Variants in SATB2 observed in about 807,000 individuals in gnomAD.
SATB2 encodes SATB homeobox 2.
Under a neutral mutation model 73.4 loss-of-function variants are expected in SATB2, and 1 was observed. The ratio of observed to expected loss-of-function variants is 0.01; its 90% CI spans 0.00 to 0.06. The LOEUF is 0.06. SATB2 is among the 10% of genes least tolerant of loss of function. The probability of loss-of-function intolerance (pLI) is 1.00; values close to 1 mark genes in which losing one functional copy is unlikely to be tolerated. For synonymous variants in SATB2, 397 were observed against 367.0 expected, an observed-to-expected ratio of 1.08 and a Z score of -0.93; for missense variants, 459 against 945.8, an observed-to-expected ratio of 0.49 and a Z score of 6.75.
rs1410113037 is a variant in SATB2 at position 199,349,075 on chromosome 2, T to C, written c.799A>G (p.Thr267Ala). 5.6e-6 allele frequency: 9 copies of C among 1,613,908 alleles called. No homozygotes were observed. The highest frequency in any genetic ancestry group is 7.6e-6 in the Non-Finnish European group (9 of 1,179,956). Reference protein sequence around the residue: ...NMNQLASLGKTNEQSPHSQIH... With the variant: ...NMNQLASLGKANEQSPHSQIH... Reference sequence around the variant, plus strand: ...TGGCTGTGAGGAGACTGTTCGTTGGTTTTCCCCAGGGATGCCAGCTGGTTC... The same window carrying C: ...TGGCTGTGAGGAGACTGTTCGTTGGCTTTCCCCAGGGATGCCAGCTGGTTC... The change falls in exon 7 of 11, where the codon ACC becomes GCC. Residue 267 changes from threonine to alanine, a missense_variant. Around this residue, in one of 13 missense-constraint regions of SATB2, gnomAD observed 77 missense variants for 90.4 expected, o/e 0.85. Coordinates refer to ENST00000417098, the MANE Select transcript of SATB2 (RefSeq NM_001172509.2).
chr2:199,459,606 C>T (rs1184603497), upstream of SATB2: 2 of 152,846 alleles, frequency 1.3e-5, no homozygotes, highest in Admixed American at 6.5e-5. This position sits in a 1 kb window ranked among gnomAD's most constrained non-coding sequence, Gnocchi z 4.2. Flanking sequence ...ACCTCATGTC[C>T]CTCCCGCACA....
exon 1 of SATB2, chr2:199,471,154 A>C (rs149482534): frequency 2.1e-3 from 327 of 152,492 alleles, no homozygotes; most frequent in Non-Finnish European, 3.5e-3. Flanking sequence ...GGTTGTGCGG[A>C]CTACCCAAGG....
In SATB2 at chr2:199,270,517, A is replaced by C. The variant is rs528005778; in HGVS notation, c.*1694T>G. 4.6e-5 allele frequency: 7 copies of C among 152,304 alleles called. No individual in the cohort carries two copies. Among genetic ancestry groups the C allele is most frequent in the African/African-American group, 1.7e-4 (7 of 41,504 alleles). 9.4% of individuals were successfully genotyped at this position (152,304 alleles called of 1,614,324 possible). A position where few individuals can be genotyped will look rare whatever the true frequency, so the allele number is the denominator to read the frequency against. On this transcript the variant is annotated 3_prime_UTR_variant, in exon 11 of 11. Transcript: ENST00000417098. The stretch of plus-strand genomic sequence containing the variant: ...TTTTGTGAAAGCACAACTCAAAAAA[A>C]AAAAAAAAATCCAACCATGTGGGAC...
intron 7 of SATB2, among the ~76,000 whole-genome samples, chr2:199,342,276 T>G (rs1688528845): frequency 6.6e-6 from 1 of 152,058 alleles, no homozygotes; most frequent in African/African-American, 2.4e-5. Context: ...TTAAAGTGCT[T>G]AGAAATGTAT....
intron 9 of SATB2, among the ~76,000 whole-genome samples, chr2:199,323,020 T>C (rs1687932008): frequency 6.6e-6 from 1 of 152,140 alleles, no homozygotes; most frequent in South Asian, 2.1e-4. Flanking sequence ...GCCCTAGGTA[T>C]ACATAAGTGA....
chr2:199,370,853 A>G (rs1384240579), intron 5 of SATB2, among the ~76,000 whole-genome samples: 1 of 151,082 alleles, frequency 6.6e-6, no homozygotes, highest in African/African-American at 2.4e-5. Flanking sequence ...TGACTCAATT[A>G]GATTTGTTTT....
At position 199,429,361 on chromosome 2, in the gene SATB2, C is replaced by G. The variant is rs546463230; in HGVS notation, c.346+3977G>C. 2.3e-4 allele frequency among the ~76,000 whole-genome samples: 35 copies of G among 152,314 alleles called. No homozygotes were observed. In the South Asian group the frequency reaches 6.0e-3, roughly 26 times the overall value. ...ATTCTAATACATTGCCTTCATCCTT[C>G]TTCCATGCATATATGTGGAATTTTA... is the stretch of plus-strand genomic sequence containing the variant. On this transcript the variant is annotated intron_variant, in intron 3 of 10. Coordinates refer to ENST00000417098, the MANE Select transcript of SATB2 (RefSeq NM_001172509.2).
At chr2:199,369,713 T>A (rs1305848981) in intron 5 of SATB2, among the ~76,000 whole-genome samples, 2 of 152,168 alleles carry the variant, frequency 1.3e-5, no homozygotes, top group South Asian at 2.1e-4. Flanking sequence ...ATCTTAGAAC[T>A]TCTAACGACA....
At chr2:199,360,097 G>A (rs1031193319) in intron 6 of SATB2, among the ~76,000 whole-genome samples, 15 of 152,100 alleles carry the variant, frequency 9.9e-5, no homozygotes, top group African/African-American at 1.9e-4. Flanking sequence ...CCTTGTAATC[G>A]TCTAAGGAAA....
chr2:199,413,041 T>C (rs559360033), intron 3 of SATB2, among the ~76,000 whole-genome samples: 1 of 152,356 alleles, frequency 6.6e-6, no homozygotes, highest in East Asian at 1.9e-4. Flanking sequence ...TACAGAATTT[T>C]TTTTAGCTAA....
At chr2:199,421,657 G>C (rs927241199) in intron 3 of SATB2, among the ~76,000 whole-genome samples, 6 of 152,206 alleles carry the variant, frequency 3.9e-5, no homozygotes, top group African/African-American at 1.4e-4. Context: ...TTTGTAAAGA[G>C]GAAAATGAAC....
At chr2:199,342,664 T>A (rs1485362758) in intron 7 of SATB2, among the ~76,000 whole-genome samples, 2 of 152,168 alleles carry the variant, frequency 1.3e-5, no homozygotes, top group Admixed American at 6.5e-5. Flanking sequence ...TTAGACCATG[T>A]ATGTTTCTGT....
intron 3 of SATB2, chr2:199,397,586 T>G: frequency 6.0e-6 from 1 of 167,378 alleles, no homozygotes; most frequent in Non-Finnish European, 1.3e-5. Flanking sequence ...TTTTTTTGCT[T>G]TAGAAAGATA....
intron 3 of SATB2, among the ~76,000 whole-genome samples, chr2:199,405,854 CA>C (rs1690616327): frequency 6.6e-6 from 1 of 151,744 alleles, no homozygotes; most frequent in Non-Finnish European, 1.5e-5. Flanking sequence ...TTAGAAATTC[CA>C]AAAATTTAGG....
intron 7 of SATB2, among the ~76,000 whole-genome samples, chr2:199,344,024 G>A (rs923899988): frequency 1.3e-5 from 2 of 152,124 alleles, no homozygotes; most frequent in Non-Finnish European, 2.9e-5. Context: ...ATACACTCTC[G>A]CCAATATGGT....
chr2:199,332,139 A>G (rs1343299286), intron 7 of SATB2, among the ~76,000 whole-genome samples: 9 of 152,298 alleles, frequency 5.9e-5, no homozygotes, highest in East Asian at 1.9e-4. Context: ...AAACTTTCAT[A>G]TCAGTAATCA....
intron 3 of SATB2, among the ~76,000 whole-genome samples, chr2:199,416,623 G>A (rs950349280): frequency 3.9e-5 from 6 of 152,250 alleles, no homozygotes; most frequent in African/African-American, 1.2e-4. Flanking sequence ...AGACTGGAGA[G>A]GTGAAGAAAA....
At chr2:199,432,300 A>C (rs1221565207) in intron 3 of SATB2, among the ~76,000 whole-genome samples, 1 of 152,234 alleles carries the variant, frequency 6.6e-6, no homozygotes, top group Non-Finnish European at 1.5e-5. Context: ...TTACAGAATC[A>C]AATTCAAGAG....
Position 199,400,765 on chromosome 2 carries a change from C to T in SATB2, c.347-18945G>A, listed in dbSNP as rs183610465. 3.5e-3 allele frequency among the ~76,000 whole-genome samples: 540 copies of T among 152,274 alleles called. 3 individuals are homozygous for T. Among genetic ancestry groups the T allele is most frequent in the Non-Finnish European group, 6.0e-3 (406 of 68,024 alleles). The stretch of plus-strand genomic sequence containing the variant: ...CAGTTTTTCGAGATTACACAGCTAA[C>T]AGGCACCGTAACTATTTAAATTCAT... On this transcript the variant is annotated intron_variant, in intron 3 of 10. Transcript: ENST00000417098.
Sources: gnomAD v4.1 joint callset for allele counts (sites outside exome capture counted in the v4.1 genomes callset) on GRCh38, gnomAD v4.1.1 for gene constraint, gnomAD v4.1.1 regional missense constraint, Gnocchi (gnomAD v3.1) non-coding constraint, MANE v1.5 for transcripts, NCBI Gene and HGNC (gene_info 2026-07-23, HGNC 2026-07-21) for gene names.